The following CMPK1 variants were observed in gnomAD, a reference collection of about 807,000 sequenced individuals.
The protein encoded by CMPK1 is UMP-CMP kinase.
CMPK1 carries 10 observed loss-of-function variants against 25.7 expected under a neutral mutation model. The observed-to-expected ratio is 0.39, with a 90% confidence interval of 0.24 to 0.66. CMPK1 has a LOEUF of 0.66. CMPK1 is among the 30% of genes least tolerant of loss of function. The probability of loss-of-function intolerance (pLI) is 0.48; values close to 1 mark genes in which losing one functional copy is unlikely to be tolerated. For synonymous variants in CMPK1, 106 were observed against 101.5 expected, an observed-to-expected ratio of 1.04 and a Z score of -0.27; for missense variants, 199 against 280.5, an observed-to-expected ratio of 0.71 and a Z score of 2.08.
rs550309725 is a variant in CMPK1 at position 47,359,508 on chromosome 1, C to G, written c.172-8961C>G. On this transcript the variant is annotated intron_variant, in intron 1 of 5. Coordinates refer to ENST00000371873, the MANE Select transcript of CMPK1 (RefSeq NM_016308.3). ...GTTCAAGTGATTCTCCTGTTTCAGC[C>G]TCCTGAGTAGCTGGGATTACAGGTG... is the stretch of plus-strand genomic sequence containing the variant. Among the ~76,000 whole-genome samples the G allele has an allele frequency of 2.0e-5, 3 of 149,634 alleles. No homozygotes were observed. The South Asian group carries it at 6.4e-4, about 32-fold the overall frequency.
chr1:47,365,529 G>A (rs1241639150), intron 1 of CMPK1, among the ~76,000 whole-genome samples: 1 of 151,290 alleles, frequency 6.6e-6, no homozygotes, highest in African/African-American at 2.4e-5. Context: ...AGCTACTCGG[G>A]AGGCTGAGGT....
chr1:47,334,187 A>G (rs1365166043), intron 1 of CMPK1, 71 bp downstream of exon 1: 2 of 1,213,060 alleles, frequency 1.6e-6, no homozygotes, highest in African/African-American at 3.2e-5. Context: ...CGCCGCCCCT[A>G]GTCCGCGCCC....
Position 47,368,492 on chromosome 1 carries a change from T to C in CMPK1, c.195T>C (p.Ser65=), listed in dbSNP as rs757070749. The change falls in exon 2 of 6, where the codon TCT becomes TCC. Residue 65 remains serine (S), a synonymous_variant. Transcript: ENST00000371873. ...IVEKYGYTHL[S]AGELLRDERK... ...AGAAATATGGCTACACACACCTTTC[T>C]GCAGGAGAGCTGCTTCGTGATGAAA... 7 of 1,612,698 alleles carry C rather than the reference T, an allele frequency of 4.3e-6. No homozygotes were observed. The African/African-American group carries it at 8.0e-5, about 18-fold the overall frequency.
rs774212843 is a variant in CMPK1 at position 47,378,420 on chromosome 1, A to T, written c.*1675A>T. The T allele has an allele frequency of 6.6e-6, 1 of 152,332 alleles. No homozygotes were observed. Among genetic ancestry groups the T allele is most frequent in the East Asian group, 1.9e-4 (1 of 5,184 alleles). The allele number at this position is 152,332 out of a possible 1,614,324, so 9.4% of individuals were successfully genotyped here. A position where few individuals can be genotyped will look rare whatever the true frequency, so the allele number is the denominator to read the frequency against. On this transcript the variant is annotated 3_prime_UTR_variant, in exon 6 of 6. Transcript: ENST00000371873. ...CATTCCTACTCACATAAGTGAAGAA[A>T]TCTGTCAGATAGGAATCTAAATATT...
intron 1 of CMPK1, among the ~76,000 whole-genome samples, chr1:47,339,895 A>G (rs1646427476): frequency 6.6e-6 from 1 of 151,348 alleles, no homozygotes; most frequent in Admixed American, 6.6e-5. Context: ...TTTAGTAGAG[A>G]TGGGGTTTCA....
intron 3 of CMPK1, chr1:47,373,583 G>A (rs1398638388): frequency 3.9e-5 from 6 of 152,624 alleles, no homozygotes; most frequent in Admixed American, 3.9e-4. Flanking sequence ...ATCACCTTAT[G>A]TCAGGAGTTC....
At chr1:47,337,362 G>A (rs1204591470) in intron 1 of CMPK1, among the ~76,000 whole-genome samples, 2 of 152,150 alleles carry the variant, frequency 1.3e-5, no homozygotes, top group African/African-American at 2.4e-5. Flanking sequence ...ATTCTGTTCA[G>A]TAATGGCAAA....
At chr1:47,334,951 ACAGGTTAC>A (rs952678242) in intron 1 of CMPK1, among the ~76,000 whole-genome samples, 11 of 152,156 alleles carry the variant, frequency 7.2e-5, no homozygotes, top group Admixed American at 4.6e-4. Flanking sequence ...TTGCTTTGAG[ACAGGTTAC>A]CAGTTCAATT....
chr1:47,354,220 T>C (rs947577912), intron 1 of CMPK1, among the ~76,000 whole-genome samples: 1 of 152,076 alleles, frequency 6.6e-6, no homozygotes, highest in Admixed American at 6.6e-5. Flanking sequence ...TCCCAGCTAC[T>C]CGGGAGGCTA....
intron 1 of CMPK1, among the ~76,000 whole-genome samples, chr1:47,339,651 C>A (rs985216728): frequency 1.3e-5 from 2 of 151,412 alleles, no homozygotes; most frequent in African/African-American, 4.8e-5. Context: ...ATTTTAAGGA[C>A]CAGAAGTGTT....
chr1:47,375,273 G>A lies in CMPK1; in HGVS notation c.625G>A (p.Ala209Thr). 1 of 1,601,746 alleles carries A rather than the reference G, an allele frequency of 6.2e-7. No individual in the cohort carries two copies. The highest frequency in any genetic ancestry group is 8.5e-7 in the Non-Finnish European group (1 of 1,174,004). Residue 209 changes from alanine to threonine, a missense_variant, in exon 5 of 6, where the codon GCT (alanine) becomes ACT (threonine). Ala to Thr is a moderately conservative substitution (Grantham distance 58). Transcript: ENST00000371873. ...EEMGKVKKID[A>T]SKSVDEVFDE... is the part of the protein sequence containing the mutation. ...AATGGGGAAAGTCAAGAAAATAGAT[G>A]CTTCTAAATCTGTTGATGAAGTAAG... is the stretch of plus-strand genomic sequence containing the variant.
intron 1 of CMPK1, among the ~76,000 whole-genome samples, chr1:47,361,281 C>T (rs1646599682): frequency 6.6e-6 from 1 of 152,100 alleles, no homozygotes; most frequent in Non-Finnish European, 1.5e-5. Context: ...CCCAGCTACT[C>T]TGGAGGCTGA....
At chr1:47,354,829 A>G (rs1646548155) in intron 1 of CMPK1, among the ~76,000 whole-genome samples, 1 of 152,140 alleles carries the variant, frequency 6.6e-6, no homozygotes, top group Non-Finnish European at 1.5e-5. Context: ...CATAACTCCT[A>G]GAAATGGAAT....
At chr1:47,375,019 T>C (rs777887043) in intron 4 of CMPK1, 34 bp downstream of exon 4, 3 of 1,501,202 alleles carry the variant, frequency 2.0e-6, no homozygotes, top group Non-Finnish European at 2.8e-6. Flanking sequence ...ACCACTTCAA[T>C]CCCAGACCTG....
Position 47,333,940 on chromosome 1 carries a change from C to A in CMPK1, c.-6C>A. 7.2e-7 allele frequency: 1 copy of A among 1,387,004 alleles called. No individual in the cohort carries two copies. The highest frequency in any genetic ancestry group is 9.5e-7 in the Non-Finnish European group (1 of 1,057,064). 85.9% of individuals were successfully genotyped at this position (1,387,004 alleles called of 1,614,324 possible). On this transcript the variant is annotated 5_prime_UTR_variant, in exon 1 of 6. Transcript: ENST00000371873. ...GCTCCCTCAGCGTCCGGCCGAGGCGCGGTGTATGCTGAGCCGCTGCCGCAG... is the reference window on the plus strand; with the variant it reads ...GCTCCCTCAGCGTCCGGCCGAGGCGAGGTGTATGCTGAGCCGCTGCCGCAG...
chr1:47,374,378 A>G (rs1219836259), intron 3 of CMPK1, among the ~76,000 whole-genome samples: 1 of 152,134 alleles, frequency 6.6e-6, no homozygotes, highest in African/African-American at 2.4e-5. Flanking sequence ...TTTAAAACGT[A>G]ACTCTCTTCT....
chr1:47,338,313 A>AT (rs1005003256), intron 1 of CMPK1, among the ~76,000 whole-genome samples: 1 of 152,100 alleles, frequency 6.6e-6, no homozygotes, highest in African/African-American at 2.4e-5. Context: ...GGAAGCTGGT[A>AT]TTTTTTCTCT....
chr1:47,366,224 G>A (rs1646639043), intron 1 of CMPK1, among the ~76,000 whole-genome samples: 1 of 152,168 alleles, frequency 6.6e-6, no homozygotes, highest in African/African-American at 2.4e-5. Flanking sequence ...TAGTTCAATA[G>A]TAGCTTGTAA....
intron 1 of CMPK1, among the ~76,000 whole-genome samples, chr1:47,353,497 AAT>A (rs1032434703): frequency 1.3e-5 from 2 of 152,172 alleles, no homozygotes; most frequent in Non-Finnish European, 2.9e-5. Flanking sequence ...GCAGTTCACC[AAT>A]ATGTCTCCAG....
Sources: allele counts gnomAD v4.1 joint callset (sites outside exome capture counted in the v4.1 genomes callset), GRCh38; gene constraint gnomAD v4.1.1; transcripts MANE v1.5; gene names NCBI Gene and HGNC (gene_info 2026-07-23, HGNC 2026-07-21).